The following PACSIN3 variants were observed in gnomAD, a reference collection of about 807,000 sequenced individuals.
PACSIN3 encodes the protein protein kinase C and casein kinase substrate in neurons protein 3.
In PACSIN3, 34 loss-of-function variants were observed where a neutral mutation model predicts 56.1. The observed-to-expected ratio is 0.61, with a 90% CI of 0.46 to 0.81. The LOEUF is 0.81. Among genes scored for constraint, PACSIN3 ranks in the 30% least tolerant of loss-of-function variants. PACSIN3 has a pLI of 0.00. For missense variants in PACSIN3, 535 were observed against 592.4 expected (o/e 0.90, Z 1.01); for synonymous variants, 218 against 229.8 (o/e 0.95, Z 0.46).
intron 2 of PACSIN3, 120 bp from the exon 3 acceptor site, chr11:47,182,884 G>C (rs1469180931): frequency 2.9e-6 from 2 of 687,976 alleles, no homozygotes; most frequent in Non-Finnish European, 4.7e-6. Flanking sequence ...GGAGTCATCA[G>C]AGCTAGGACT....
chr11:47,184,637 G>A (rs1953086296), intron 1 of PACSIN3: 1 of 152,286 alleles, frequency 6.6e-6, no homozygotes. Context: ...AGAGCTAGGG[G>A]CTCCGCGGAG....
Position 47,182,689 on chromosome 11 carries a change from C to T in PACSIN3, c.39G>A (p.Gly13=). The T allele has an allele frequency of 6.2e-7, 1 of 1,612,648 alleles. No homozygotes were observed. Among genetic ancestry groups the T allele is most frequent in the Non-Finnish European group, 8.5e-7 (1 of 1,179,290 alleles). ...PEEDAGGEAL[G]GSFWEAGNYR... is the part of the protein sequence containing the mutation. ...AGCTGCTCACCTCCCAGAAACTGCC[C>T]CCTAAGGCCTCCCCTCCAGCGTCCT... Residue 13 remains glycine, a synonymous_variant, in exon 3 of 11, where the codon GGG becomes GGA. Coordinates refer to ENST00000298838, the MANE Select transcript of PACSIN3 (RefSeq NM_016223.5).
rs1443784726 is a variant in PACSIN3 at position 47,179,653 on chromosome 11, A to T, written c.604-67T>A. 4.0e-6 allele frequency: 6 copies of T among 1,490,660 alleles called. No individual in the cohort carries two copies. Among genetic ancestry groups the T allele is most frequent in the Non-Finnish European group, 5.5e-6 (6 of 1,089,816 alleles). 92.3% of individuals were successfully genotyped at this position (1,490,660 alleles called of 1,614,324 possible). A position where few individuals can be genotyped will look rare whatever the true frequency, so the allele number is the denominator to read the frequency against. ...TCCACCCAGGACTCCACCAGTGTTT[A>T]CCAGACACTGCCATAGGCTGCTAGA... On this transcript the variant is annotated intron_variant, in intron 6 of 10. Transcript: ENST00000298838. The surrounding 1 kb of genome is among the most constrained non-coding windows in gnomAD (Gnocchi z 4.4).
Position 47,179,653 on chromosome 11 carries a change from ACC to A in PACSIN3, c.604-69_604-68del. On this transcript the variant is annotated intron_variant, in intron 6 of 10. Transcript: ENST00000298838. This position sits in a 1 kb window ranked among gnomAD's most constrained non-coding sequence, Gnocchi z 4.4. Reference sequence around the variant, plus strand: ...TCCACCCAGGACTCCACCAGTGTTTACCAGACACTGCCATAGGCTGCTAGACC... The same window carrying A: ...TCCACCCAGGACTCCACCAGTGTTTAAGACACTGCCATAGGCTGCTAGACC... 8 of 1,490,722 alleles carry A rather than the reference ACC, an allele frequency of 5.4e-6. No individual in the cohort carries two copies. The highest frequency in any genetic ancestry group is 7.3e-6 in the Non-Finnish European group (8 of 1,089,756). 92.3% of individuals were successfully genotyped at this position (1,490,722 alleles called of 1,614,324 possible).
Position 47,179,669 on chromosome 11 carries a change from G to A in PACSIN3, c.604-83C>T. ...CCAGTGTTTACCAGACACTGCCATAGGCTGCTAGACCCAGGGCTAGCCACT... is the reference window on the plus strand; with the variant it reads ...CCAGTGTTTACCAGACACTGCCATAAGCTGCTAGACCCAGGGCTAGCCACT... On this transcript the variant is annotated intron_variant, in intron 6 of 10. Coordinates refer to ENST00000298838, the MANE Select transcript of PACSIN3 (RefSeq NM_016223.5). The surrounding 1 kb of genome is among the most constrained non-coding windows in gnomAD (Gnocchi z 4.4). 7.1e-7 allele frequency: 1 copy of A among 1,414,440 alleles called. No individual in the cohort carries two copies. The highest frequency in any genetic ancestry group is 1.2e-5 in the South Asian group (1 of 80,568). 87.6% of individuals were successfully genotyped at this position (1,414,440 alleles called of 1,614,324 possible).
rs558621484 is a variant in PACSIN3 at position 47,182,985 on chromosome 11, C to A, written c.-38+19G>T. 1 of 428,404 alleles carries A rather than the reference C, an allele frequency of 2.3e-6. No individual in the cohort carries two copies. Among genetic ancestry groups the A allele is most frequent in the African/African-American group, 2.0e-5 (1 of 48,928 alleles). The allele number at this position is 428,404 out of a possible 1,614,324, so 26.5% of individuals were successfully genotyped here. The stretch of plus-strand genomic sequence containing the variant: ...TTCCTCTCACTGCTCTGCACTTCCC[C>A]CCCCGCCCCCCCACATACCTGGGGC... On this transcript the variant is annotated intron_variant, in intron 2 of 10. Transcript: ENST00000298838.
rs111726140 is a variant in PACSIN3 at position 47,180,482 on chromosome 11, C to G, written c.420G>C (p.Gln140His). ...RAAEDGFRKA[Q>H]KPWLKRLKEV... ...CCTTCAGCCTCTTCAGCCAGGGCTT[C>G]TGGGCCTTGCGGAAGCCGTCCTCGG... The change falls in exon 5 of 11, where the codon CAG becomes CAC. Residue 140 changes from glutamine (Q) to histidine (H), a missense_variant. By Grantham distance (24) the Gln-to-His change is conservative. Coordinates refer to ENST00000298838, the MANE Select transcript of PACSIN3 (RefSeq NM_016223.5). 7 of 1,603,770 alleles carry G rather than the reference C, an allele frequency of 4.4e-6. No individual in the cohort carries two copies. In the African/African-American group the frequency reaches 5.3e-5, roughly 12 times the overall value.
intron 6 of PACSIN3, 101 bp downstream of exon 6, chr11:47,180,084 GT>G (rs2135454233): frequency 9.4e-7 from 1 of 1,065,098 alleles, no homozygotes; most frequent in East Asian, 2.4e-5. Flanking sequence ...GAGGAATAGG[GT>G]AATAAGGGTG....
Position 47,182,767 on chromosome 11 carries a change from G to T in PACSIN3, c.-37-3C>A. The stretch of plus-strand genomic sequence containing the variant: ...ACGGAATGGTGGCGGATTTGGGGCT[G>T]TGGAGGGCAGAGGGGTAAGCAGGAA... On this transcript the variant is annotated splice_polypyrimidine_tract_variant and splice_region_variant and intron_variant, in intron 2 of 10. Transcript: ENST00000298838. 1.3e-6 allele frequency: 2 copies of T among 1,589,600 alleles called. No individual in the cohort carries two copies. Among genetic ancestry groups the T allele is most frequent in the Non-Finnish European group, 8.6e-7 (1 of 1,168,258 alleles).
Position 47,183,088 on chromosome 11 carries a change from G to A in PACSIN3, c.-103-19C>T, listed in dbSNP as rs1000796273. The stretch of plus-strand genomic sequence containing the variant: ...ACTCTGCCTTGAAGGAGAACAGAGC[G>A]GGGGTGAGGGTGGGGGCCTAGAGCG... On this transcript the variant is annotated intron_variant, in intron 1 of 10. Transcript: ENST00000298838. The A allele has an allele frequency of 2.8e-5, 6 of 213,314 alleles. No individual in the cohort carries two copies. Among genetic ancestry groups the A allele is most frequent in the East Asian group, 1.2e-4 (1 of 8,630 alleles). The allele number at this position is 213,314 out of a possible 1,614,324, so 13.2% of individuals were successfully genotyped here.
intron 1 of PACSIN3, chr11:47,185,974 A>G (rs1301307936): frequency 6.6e-6 from 1 of 152,150 alleles, no homozygotes; most frequent in East Asian, 1.9e-4. Context: ...GGCCCCGGGC[A>G]GCGGACCCAG....
At position 47,178,607 on chromosome 11, in the gene PACSIN3, G is replaced by A; in HGVS notation, c.1038-120C>T. On this transcript the variant is annotated intron_variant, in intron 9 of 10. Coordinates refer to ENST00000298838, the MANE Select transcript of PACSIN3 (RefSeq NM_016223.5). This position sits in a 1 kb window ranked among gnomAD's most constrained non-coding sequence, Gnocchi z 4.2. ...GAGGCACCTGGGAGAGTCAGGTGAG[G>A]TACTAAAGATTCTAGCTCTACCTCG... is the stretch of plus-strand genomic sequence containing the variant. The A allele has an allele frequency of 7.6e-7, 1 of 1,318,314 alleles. No homozygotes were observed. Among genetic ancestry groups the A allele is most frequent in the Non-Finnish European group, 1.0e-6 (1 of 972,028 alleles). 81.7% of individuals were successfully genotyped at this position (1,318,314 alleles called of 1,614,324 possible). A position where few individuals can be genotyped will look rare whatever the true frequency, so the allele number is the denominator to read the frequency against.
At position 47,180,303 on chromosome 11, in the gene PACSIN3, C is replaced by T. The variant is rs1459685828; in HGVS notation, c.486G>A (p.Lys162=). 1.9e-6 allele frequency: 3 copies of T among 1,602,894 alleles called. No homozygotes were observed. The highest frequency in any genetic ancestry group is 1.7e-6 in the Non-Finnish European group (2 of 1,179,980). The change falls in exon 6 of 11, where the codon AAG becomes AAA. Residue 162 remains lysine (K), a synonymous_variant. Coordinates refer to ENST00000298838, the MANE Select transcript of PACSIN3 (RefSeq NM_016223.5). ...ASKKSYHAAR[K]DEKTAQTRES... ...CCCTCGTCTGGGCGGTCTTCTCATCCTTCCGGGCTGCGTGGTAGCTTTTCT... is the reference window on the plus strand; with the variant it reads ...CCCTCGTCTGGGCGGTCTTCTCATCTTTCCGGGCTGCGTGGTAGCTTTTCT...
intron 4 of PACSIN3, among the ~76,000 whole-genome samples, chr11:47,181,944 G>A (rs1953033058): frequency 6.6e-6 from 1 of 152,154 alleles, no homozygotes. Context: ...CCTGAGGTCA[G>A]GAGTTTGAGA....
Position 47,186,381 on chromosome 11 carries a change from G to T in PACSIN3, c.-136C>A, listed in dbSNP as rs537073272. ...TCCCTGGGCCCCTCGGCGGGTGGGG[G>T]TCCGGCCACGCTCCGGCCCGAGTCC... On this transcript the variant is annotated 5_prime_UTR_variant, in exon 1 of 11. Transcript: ENST00000298838. The surrounding 1 kb of genome is among the most constrained non-coding windows in gnomAD (Gnocchi z 4.5). 1.4e-4 allele frequency: 21 copies of T among 151,400 alleles called. No homozygotes were observed. Among genetic ancestry groups the T allele is most frequent in the Middle Eastern group, 3.4e-3 (1 of 290 alleles). The allele number at this position is 151,400 out of a possible 1,614,324, so 9.4% of individuals were successfully genotyped here.
rs370359394 is a variant in PACSIN3, at chr11:47,182,399, T to A, written c.211+4A>T. 4.4e-6 allele frequency: 7 copies of A among 1,593,692 alleles called. No homozygotes were observed. The highest frequency in any genetic ancestry group is 6.0e-6 in the Non-Finnish European group (7 of 1,175,322). ...CCTCTGCCCCCTGCGAGGGCCTGGCTCACCCTTCTCCACGGTCCCCCTCCA... is the reference window on the plus strand; with the variant it reads ...CCTCTGCCCCCTGCGAGGGCCTGGCACACCCTTCTCCACGGTCCCCCTCCA... On this transcript the variant is annotated splice_donor_region_variant and intron_variant, in intron 4 of 10. Transcript: ENST00000298838.
intron 4 of PACSIN3, among the ~76,000 whole-genome samples, chr11:47,182,060 G>A (rs1056674772): frequency 2.0e-5 from 3 of 151,174 alleles, no homozygotes; most frequent in African/African-American, 7.3e-5. Flanking sequence ...GCTGAAGCAG[G>A]AGAACCACTT....
At position 47,179,206 on chromosome 11, in the gene PACSIN3, GCCACCAGCGCAGAT is replaced by G; in HGVS notation, c.839_852del (p.Asp280AlafsTer37). Reference sequence around the variant, plus strand: ...GCCATGCCTGGCCCGTGGGTGCTGCGCCACCAGCGCAGATCCTCTTCGTCACTGGCTGCCTCAAT... The same window carrying G: ...GCCATGCCTGGCCCGTGGGTGCTGCGCCTCTTCGTCACTGGCTGCCTCAAT... On this transcript the variant is annotated frameshift_variant, in exon 8 of 11. Transcript: ENST00000298838. LOFTEE classifies it high-confidence loss of function. The surrounding 1 kb of genome is among the most constrained non-coding windows in gnomAD (Gnocchi z 4.4). 1 of 1,613,872 alleles carries G rather than the reference GCCACCAGCGCAGAT, an allele frequency of 6.2e-7. No individual in the cohort carries two copies. The highest frequency in any genetic ancestry group is 8.5e-7 in the Non-Finnish European group (1 of 1,180,018).
Position 47,186,384 on chromosome 11 carries a change from C to T in PACSIN3, c.-139G>A, listed in dbSNP as rs1953120981. The T allele has an allele frequency of 6.6e-6, 1 of 151,364 alleles. No homozygotes were observed. The highest frequency in any genetic ancestry group is 2.1e-4 in the South Asian group (1 of 4,830). The allele number at this position is 151,364 out of a possible 1,614,324, so 9.4% of individuals were successfully genotyped here. A position where few individuals can be genotyped will look rare whatever the true frequency, so the allele number is the denominator to read the frequency against. On this transcript the variant is annotated 5_prime_UTR_variant, in exon 1 of 11. Coordinates refer to ENST00000298838, the MANE Select transcript of PACSIN3 (RefSeq NM_016223.5). This position sits in a 1 kb window ranked among gnomAD's most constrained non-coding sequence, Gnocchi z 4.5. Reference sequence around the variant, plus strand: ...CTGGGCCCCTCGGCGGGTGGGGGTCCGGCCACGCTCCGGCCCGAGTCCTGC... The same window carrying T: ...CTGGGCCCCTCGGCGGGTGGGGGTCTGGCCACGCTCCGGCCCGAGTCCTGC...
Sources: allele counts gnomAD v4.1 joint callset (sites outside exome capture counted in the v4.1 genomes callset), GRCh38; gene constraint gnomAD v4.1.1; non-coding constraint Gnocchi (gnomAD v3.1); transcripts MANE v1.5; gene names NCBI Gene and HGNC (gene_info 2026-07-23, HGNC 2026-07-21).